The following ADGRL2 variants were observed in gnomAD, a reference collection of about 807,000 sequenced individuals.
The protein encoded by ADGRL2 is calcium-independent alpha-latrotoxin receptor 2.
In ADGRL2, 44 loss-of-function variants were observed where a neutral mutation model predicts 157.4. The ratio of observed to expected loss-of-function variants is 0.28; its 90% CI spans 0.22 to 0.36. ADGRL2 has a LOEUF of 0.36. Among genes scored for constraint, ADGRL2 ranks in the 10% least tolerant of loss-of-function variants. The pLI, the probability that ADGRL2 is intolerant of heterozygous loss-of-function variation, is 1.00. For missense variants in ADGRL2, 1,510 were observed against 1,768.9 expected, an observed-to-expected ratio of 0.85 and a Z score of 2.63; for synonymous variants, 585 against 624.7, an observed-to-expected ratio of 0.94 and a Z score of 0.95.
intron 2 of ADGRL2, among the ~76,000 whole-genome samples, chr1:81,463,114 C>CAAAAAAA (rs56920139): frequency 1.9e-4 from 18 of 93,698 alleles, no homozygotes; most frequent in South Asian, 3.5e-4. Context: ...GACCATGTCT[C>CAAAAAAA]AAAAAAAAAA....
chr1:81,341,691 C>G (rs1662086592), intron 1 of ADGRL2, among the ~76,000 whole-genome samples: 1 of 148,928 alleles, frequency 6.7e-6, no homozygotes, highest in Non-Finnish European at 1.5e-5. Context: ...ACCATACAAC[C>G]AGATGGTTCT....
chr1:81,335,714 T>C (rs1661588014), intron 1 of ADGRL2, among the ~76,000 whole-genome samples: 1 of 152,164 alleles, frequency 6.6e-6, no homozygotes, highest in Admixed American at 6.5e-5. Context: ...TGCATTTCTT[T>C]CACCATCTGT....
At chr1:81,542,649 A>G (rs935513813) in intron 2 of ADGRL2, among the ~76,000 whole-genome samples, 1 of 152,212 alleles carries the variant, frequency 6.6e-6, no homozygotes, top group Non-Finnish European at 1.5e-5. Context: ...CACTGTGGGA[A>G]GAGGGCATAA....
chr1:81,798,023 T>A (rs1350415046), upstream of ADGRL2, among the ~76,000 whole-genome samples: 1 of 152,198 alleles, frequency 6.6e-6, no homozygotes, highest in Non-Finnish European at 1.5e-5. Flanking sequence ...AAGTCAATGA[T>A]TTTGCCATTA....
At chr1:81,381,302 C>G (rs562461945) in intron 1 of ADGRL2, among the ~76,000 whole-genome samples, 19 of 152,218 alleles carry the variant, frequency 1.2e-4, no homozygotes, top group African/African-American at 4.3e-4. Context: ...TCAGAAATCC[C>G]TAAATAATAG....
intron 3 of ADGRL2, among the ~76,000 whole-genome samples, chr1:81,624,800 C>A (rs905926301): frequency 1.3e-5 from 2 of 152,126 alleles, no homozygotes; most frequent in Non-Finnish European, 2.9e-5. Context: ...AGTATGGCAA[C>A]CCCCCAAACT....
chr1:81,696,197 A>T (rs551497470), upstream of ADGRL2, among the ~76,000 whole-genome samples: 11 of 151,950 alleles, frequency 7.2e-5, no homozygotes, highest in African/African-American at 2.2e-4. Flanking sequence ...GCATAGCAGA[A>T]TTTTTTTTCC....
At chr1:81,736,770 A>C (rs1038355515) in intron 1 of ADGRL2, among the ~76,000 whole-genome samples, 8 of 152,126 alleles carry the variant, frequency 5.3e-5, no homozygotes, top group African/African-American at 1.9e-4. Flanking sequence ...GGAATTTTAC[A>C]TGAGTATTCT....
intron 2 of ADGRL2, among the ~76,000 whole-genome samples, chr1:81,467,060 GA>G (rs1012324429): frequency 3.5e-5 from 5 of 141,102 alleles, no homozygotes; most frequent in East Asian, 2.4e-4. Context: ...AAAAAAAAAA[GA>G]AAAAAAACGA....
At chr1:81,664,797 T>C (rs188167116) in intron 3 of ADGRL2, among the ~76,000 whole-genome samples, 2 of 152,198 alleles carry the variant, frequency 1.3e-5, no homozygotes, top group Non-Finnish European at 2.9e-5. Flanking sequence ...CTGAAAATAC[T>C]GCGTCTTTGC....
intron 16 of ADGRL2, among the ~76,000 whole-genome samples, 187 bp downstream of exon 16, chr1:81,970,721 C>G (rs1658476836): frequency 6.6e-6 from 1 of 152,144 alleles, no homozygotes; most frequent in Admixed American, 6.5e-5. Context: ...GATTTGTACT[C>G]TGGCAAGGCA....
chr1:81,540,607 A>G (rs1156913138), intron 2 of ADGRL2, among the ~76,000 whole-genome samples: 1 of 152,230 alleles, frequency 6.6e-6, no homozygotes, highest in African/African-American at 2.4e-5. Context: ...TGGGACTAGA[A>G]AGAGCATTCC....
chr1:81,435,436 A>G (rs960921343), intron 1 of ADGRL2, among the ~76,000 whole-genome samples: 4 of 152,206 alleles, frequency 2.6e-5, no homozygotes, highest in African/African-American at 9.6e-5. Flanking sequence ...TACTTAATCA[A>G]CCAGATGCTG....
intron 6 of ADGRL2, among the ~76,000 whole-genome samples, chr1:81,944,817 A>G (rs574708162): frequency 5.3e-5 from 8 of 152,198 alleles, no homozygotes; most frequent in Non-Finnish European, 1.5e-5. Context: ...AAATATGTTC[A>G]TAACAAACAC....
chr1:81,622,285 A>C (rs950160912), intron 3 of ADGRL2, among the ~76,000 whole-genome samples: 8 of 152,252 alleles, frequency 5.3e-5, no homozygotes, highest in Middle Eastern at 3.4e-3. Flanking sequence ...GGTCCTTTAA[A>C]ACCTACGTTT....
chr1:81,826,541 T>C (rs937766112), intron 1 of ADGRL2, among the ~76,000 whole-genome samples: 5 of 152,194 alleles, frequency 3.3e-5, no homozygotes, highest in Non-Finnish European at 7.4e-5. Context: ...TAAAAAGATT[T>C]AGCTATAATT....
chr1:81,461,171 TAA>T (rs1243842263), intron 2 of ADGRL2, among the ~76,000 whole-genome samples: 4 of 152,204 alleles, frequency 2.6e-5, no homozygotes, highest in South Asian at 2.1e-4. Context: ...GCGATATTTC[TAA>T]GTTTTTAAAG....
At chr1:81,430,056 G>A (rs2077292550) in intron 1 of ADGRL2, among the ~76,000 whole-genome samples, 1 of 152,094 alleles carries the variant, frequency 6.6e-6, no homozygotes, top group Non-Finnish European at 1.5e-5. Context: ...GCCACGCCTG[G>A]CTTATTTTGT....
At chr1:81,542,852 C>A (rs900510562) in intron 2 of ADGRL2, among the ~76,000 whole-genome samples, 3 of 152,122 alleles carry the variant, frequency 2.0e-5, no homozygotes, top group Non-Finnish European at 2.9e-5. Context: ...AATAATGTTG[C>A]TTATAAAAAT....
Sources: allele counts gnomAD v4.1 joint callset (sites outside exome capture counted in the v4.1 genomes callset), GRCh38; gene constraint gnomAD v4.1.1; transcripts MANE v1.5; gene names NCBI Gene and HGNC (gene_info 2026-07-23, HGNC 2026-07-21).